ZNF512: variants seen among roughly 807,000 people sequenced by gnomAD.
ZNF512 encodes the protein zinc finger protein 512.
A neutral mutation model predicts 77.5 loss-of-function variants in ZNF512; 25 were observed. The ratio of observed to expected loss-of-function variants is 0.32; its 90% CI spans 0.23 to 0.45. The LOEUF is 0.45. Among genes scored for constraint, ZNF512 ranks in the 20% least tolerant of loss-of-function variants. The pLI, the probability that ZNF512 is intolerant of heterozygous loss-of-function variation, is 1.00. For synonymous variants in ZNF512, 246 were observed against 239.9 expected (o/e 1.03, Z -0.24); for missense variants, 483 against 692.6 (o/e 0.70, Z 3.40).
intron 10 of ZNF512, among the ~76,000 whole-genome samples, chr2:27,612,095 T>C (rs1402733455): frequency 6.6e-6 from 1 of 152,244 alleles, no homozygotes; most frequent in Non-Finnish European, 1.5e-5. Flanking sequence ...TGTTTTTCTC[T>C]ATTTGTATAA....
At chr2:27,583,414 C>A in intron 1 of ZNF512, 1 of 1,439,260 alleles carries the variant, frequency 6.9e-7, no homozygotes, top group East Asian at 2.5e-5. Context: ...TTTCTTTTGG[C>A]CTCCCTTTTA....
intron 9 of ZNF512, among the ~76,000 whole-genome samples, chr2:27,607,115 C>T (rs1226810127): frequency 6.6e-6 from 1 of 152,028 alleles, no homozygotes; most frequent in African/African-American, 2.4e-5. Context: ...TTACAAAATA[C>T]CTTCACATCA....
Position 27,583,064 on chromosome 2 carries a change from G to A in ZNF512, c.-49G>A. 6.2e-7 allele frequency: 1 copy of A among 1,612,548 alleles called. No homozygotes were observed. The highest frequency in any genetic ancestry group is 8.5e-7 in the Non-Finnish European group (1 of 1,178,568). On this transcript the variant is annotated 5_prime_UTR_variant, in exon 1 of 14. Coordinates refer to ENST00000355467, the MANE Select transcript of ZNF512 (RefSeq NM_032434.4). Reference sequence around the variant, plus strand: ...GGGAGAGGAGAGCGGAAGTGGCGTTGGTCTGGCCGGAGCCCTTGGGTGAAA... The same window carrying A: ...GGGAGAGGAGAGCGGAAGTGGCGTTAGTCTGGCCGGAGCCCTTGGGTGAAA...
intron 13 of ZNF512, among the ~76,000 whole-genome samples, 174 bp from the exon 14 acceptor site, chr2:27,620,979 C>G (rs1673094934): frequency 6.6e-6 from 1 of 152,148 alleles, no homozygotes; most frequent in Non-Finnish European, 1.5e-5. Context: ...GTAATAGCTG[C>G]TCTGTGTTGG....
chr2:27,596,218 T>C (rs1671863116), intron 2 of ZNF512, among the ~76,000 whole-genome samples: 1 of 152,232 alleles, frequency 6.6e-6, no homozygotes, highest in South Asian at 2.1e-4. Context: ...GTGTTTCCAA[T>C]CTTATTTCAG....
rs1210612030 is a variant in ZNF512, at chr2:27,621,546, C to CT, written c.*88dup. 2.8e-5 allele frequency: 39 copies of CT among 1,379,158 alleles called. No individual in the cohort carries two copies. Among genetic ancestry groups the CT allele is most frequent in the Non-Finnish European group, 3.7e-5 (38 of 1,038,204 alleles). 85.4% of individuals were successfully genotyped at this position (1,379,158 alleles called of 1,614,324 possible). A position where few individuals can be genotyped will look rare whatever the true frequency, so the allele number is the denominator to read the frequency against. On this transcript the variant is annotated 3_prime_UTR_variant, in exon 14 of 14. Transcript: ENST00000355467. ...GTGCTGGGAGGACTGAGTGAAGATT[C>CT]TTTCAGCTGTTTGTGTAAGGCTGTG... is the stretch of plus-strand genomic sequence containing the variant.
chr2:27,600,929 A>G, intron 6 of ZNF512, 114 bp downstream of exon 6: 3 of 1,328,068 alleles, frequency 2.3e-6, no homozygotes, highest in Non-Finnish European at 3.0e-6. Context: ...TTGTATAATA[A>G]AGGAAACATA....
chr2:27,613,629 A>G (rs1278907331), intron 10 of ZNF512, among the ~76,000 whole-genome samples: 2 of 152,172 alleles, frequency 1.3e-5, no homozygotes, highest in Non-Finnish European at 2.9e-5. Context: ...GGCTGTGTAT[A>G]TGAAAAGTGG....
intron 5 of ZNF512, 50 bp downstream of exon 5, chr2:27,600,103 T>G: frequency 2.5e-6 from 4 of 1,580,966 alleles, no homozygotes; most frequent in Non-Finnish European, 3.5e-6. Flanking sequence ...ACACTCTGAT[T>G]TGTTGTTGGT....
intron 2 of ZNF512, among the ~76,000 whole-genome samples, chr2:27,596,484 G>A (rs1394869081): frequency 1.3e-5 from 2 of 152,132 alleles, no homozygotes; most frequent in African/African-American, 4.8e-5. Context: ...TACCTGGTAA[G>A]AAAGAAGGGA....
chr2:27,619,412 G>A (rs1173376565), intron 13 of ZNF512, among the ~76,000 whole-genome samples: 1 of 152,052 alleles, frequency 6.6e-6, no homozygotes, highest in Non-Finnish European at 1.5e-5. Flanking sequence ...AAAAAAAAAG[G>A]TAATTATCTC....
chr2:27,613,289 A>ATCAT (rs1672742939), intron 10 of ZNF512, among the ~76,000 whole-genome samples: 6 of 152,012 alleles, frequency 3.9e-5, no homozygotes, highest in Admixed American at 2.6e-4. Context: ...TGAGGTCAAG[A>ATCAT]GATTAAGACC....
chr2:27,621,155 C>G lies in ZNF512; in HGVS notation c.1398C>G (p.Asp466Glu). ...KYHINSVHAE[D>E]WFVVNPTTTK... ...ACATTTCTATTTTGCCTCTCTAGGA[C>G]TGGTTCGTTGTAAACCCAACAACAA... Residue 466 changes from aspartate to glutamate, a missense_variant and splice_region_variant, in exon 14 of 14, where the codon GAC (aspartate) becomes GAG (glutamate). By Grantham distance (45) the Asp-to-Glu change is conservative. This residue lies in a region of ZNF512 where 324 missense variants were observed against 525.0 expected (regional missense o/e 0.62). Coordinates refer to ENST00000355467, the MANE Select transcript of ZNF512 (RefSeq NM_032434.4). 6.2e-7 allele frequency: 1 copy of G among 1,613,356 alleles called. No homozygotes were observed. Among genetic ancestry groups the G allele is most frequent in the South Asian group, 1.1e-5 (1 of 91,032 alleles).
chr2:27,607,849 C>A lies in ZNF512; in HGVS notation c.941C>A (p.Ser314Tyr). The A allele has an allele frequency of 6.2e-7, 1 of 1,614,050 alleles. No homozygotes were observed. The highest frequency in any genetic ancestry group is 8.5e-7 in the Non-Finnish European group (1 of 1,179,982). The change falls in exon 10 of 14, where the codon TCC becomes TAC. Residue 314 changes from serine to tyrosine, a missense_variant. Transcript: ENST00000355467. ...TGCTGTGTCTCATTCTTGCAGATAT[C>A]CTTCTTTCCAGAGTCAGGACAGCCA... ...YHLRSEHGPI[S>Y]FFPESGQPEC...
At chr2:27,606,613 A>C (rs1672374914) in intron 9 of ZNF512, among the ~76,000 whole-genome samples, 1 of 152,112 alleles carries the variant, frequency 6.6e-6, no homozygotes, top group African/African-American at 2.4e-5. Context: ...CGCCTGCCTC[A>C]GCCTCCCAAA....
chr2:27,592,667 C>CTTTTTTT lies in ZNF512; in HGVS notation c.90-5376_90-5370dup, dbSNP rs139890307. On this transcript the variant is annotated intron_variant, in intron 2 of 13. Transcript: ENST00000355467. The stretch of plus-strand genomic sequence containing the variant: ...TACCCATATAATTTACCATGTTTAC[C>CTTTTTTT]TTTTTTTTTTTTTTTTTTTTTTTTT... Among the ~76,000 whole-genome samples, 179 of 81,574 alleles carry CTTTTTTT rather than the reference C, an allele frequency of 2.2e-3. 5 individuals carry two copies. Among genetic ancestry groups the CTTTTTTT allele is most frequent in the Non-Finnish European group, 3.5e-3 (149 of 42,738 alleles). 53.5% of individuals were successfully genotyped at this position (81,574 alleles called of 152,430 possible). A position where few individuals can be genotyped will look rare whatever the true frequency, so the allele number is the denominator to read the frequency against.
Position 27,602,406 on chromosome 2 carries a change from C to T in ZNF512, c.670-57C>T. The stretch of plus-strand genomic sequence containing the variant: ...TTGATTCTCCTCTGATATTTTTTTT[C>T]CCTGTGTCTTATCTTTTCCATGAAT... On this transcript the variant is annotated intron_variant, in intron 7 of 13. Transcript: ENST00000355467. The T allele has an allele frequency of 2.3e-5, 35 of 1,523,550 alleles. No individual in the cohort carries two copies. The Admixed American group carries it at 3.0e-4, about 13-fold the overall frequency. The allele number at this position is 1,523,550 out of a possible 1,614,324, so 94.4% of individuals were successfully genotyped here.
intron 2 of ZNF512, among the ~76,000 whole-genome samples, chr2:27,597,059 T>C (rs1671902794): frequency 6.6e-6 from 1 of 152,230 alleles, no homozygotes; most frequent in Non-Finnish European, 1.5e-5. Context: ...AGAATTAGTT[T>C]ATTGCTTCTA....
chr2:27,586,687 G>A (rs1671343400), intron 2 of ZNF512, among the ~76,000 whole-genome samples: 1 of 152,182 alleles, frequency 6.6e-6, no homozygotes, highest in African/African-American at 2.4e-5. Flanking sequence ...ACGTATGTCT[G>A]TACCCGTGAA....
Sources: allele counts gnomAD v4.1 joint callset (sites outside exome capture counted in the v4.1 genomes callset), GRCh38; gene constraint gnomAD v4.1.1; regional missense constraint gnomAD v4.1.1; transcripts MANE v1.5; gene names NCBI Gene and HGNC (gene_info 2026-07-23, HGNC 2026-07-21).